The following PMEPA1 variants were observed in gnomAD, a reference collection of about 807,000 sequenced individuals.
PMEPA1 encodes protein TMEPAI.
PMEPA1 carries 11 observed loss-of-function variants against 23.0 expected under a neutral mutation model. The ratio of observed to expected loss-of-function variants is 0.48; its 90% CI spans 0.30 to 0.79. PMEPA1 has a LOEUF of 0.79. PMEPA1 is among the 30% of genes least tolerant of loss of function. The pLI is 0.06. For synonymous variants in PMEPA1, 204 were observed against 166.4 expected (o/e 1.23, Z -1.74); for missense variants, 377 against 390.9 (o/e 0.96, Z 0.30).
At chr20:57,680,084 A>G (rs1181420003) in intron 1 of PMEPA1, among the ~76,000 whole-genome samples, 3 of 152,198 alleles carry the variant, frequency 2.0e-5, no homozygotes, top group Non-Finnish European at 2.9e-5. Flanking sequence ...TCTGGCTTGC[A>G]CTGCAAGCCC....
Position 57,652,844 on chromosome 20 carries a change from A to G in PMEPA1, c.318+189T>C, listed in dbSNP as rs1051218202. On this transcript the variant is annotated intron_variant, in intron 3 of 3. Transcript: ENST00000341744. This position sits in a 1 kb window ranked among gnomAD's most constrained non-coding sequence, Gnocchi z 6.1. ...AGCGTCCGTGCTCCCGTGTGCAGAG[A>G]GCAGAGAGCTGGGCTGCTCCCTCAG... Among the ~76,000 whole-genome samples the G allele has an allele frequency of 6.6e-6, 1 of 152,054 alleles. No individual in the cohort carries two copies. The highest frequency in any genetic ancestry group is 2.4e-5 in the African/African-American group (1 of 41,394).
In PMEPA1 at chr20:57,687,234, CCTT is replaced by C. The variant is rs150370172; in HGVS notation, c.109+22237_109+22239del. ...GTTAAGGGGTTCAACTGAGCGACTT[CCTT>C]CTTCTCCAGGTGATCTCCTGTGCCT... On this transcript the variant is annotated intron_variant, in intron 1 of 3. Coordinates refer to ENST00000341744, the MANE Select transcript of PMEPA1 (RefSeq NM_020182.5). 4.6e-3 allele frequency among the ~76,000 whole-genome samples: 696 copies of C among 152,376 alleles called. 6 individuals carry two copies. The highest frequency in any genetic ancestry group is 0.015 in the African/African-American group (641 of 41,586).
chr20:57,653,431 C>G lies in PMEPA1; in HGVS notation c.265-345G>C, dbSNP rs547147387. ...CTCACCAGGCTGAACATGGCCTCAG[C>G]CCCTCACCCCTGGCCCCACTCCCCT... is the stretch of plus-strand genomic sequence containing the variant. On this transcript the variant is annotated intron_variant, in intron 2 of 3. Transcript: ENST00000341744. 2.0e-5 allele frequency among the ~76,000 whole-genome samples: 3 copies of G among 152,362 alleles called. No individual in the cohort carries two copies. The East Asian group carries it at 5.8e-4, about 29-fold the overall frequency.
Position 57,692,581 on chromosome 20 carries a change from C to T in PMEPA1, c.109+16893G>A, listed in dbSNP as rs1240215941. On this transcript the variant is annotated intron_variant, in intron 1 of 3. Coordinates refer to ENST00000341744, the MANE Select transcript of PMEPA1 (RefSeq NM_020182.5). The stretch of plus-strand genomic sequence containing the variant: ...TGCAGCTGGCGGGTCACGAGCACGG[C>T]CACTTTTGGCCCCAGGAGGATTCAA... 4.6e-5 allele frequency among the ~76,000 whole-genome samples: 7 copies of T among 152,222 alleles called. No homozygotes were observed. In the East Asian group the frequency reaches 1.3e-3, roughly 29 times the overall value.
At position 57,690,912 on chromosome 20, in the gene PMEPA1, G is replaced by A. The variant is rs150692903; in HGVS notation, c.109+18562C>T. Among the ~76,000 whole-genome samples the A allele has an allele frequency of 5.4e-3, 818 of 152,280 alleles. 11 individuals carry two copies. Among genetic ancestry groups the A allele is most frequent in the African/African-American group, 0.018 (765 of 41,554 alleles). On this transcript the variant is annotated intron_variant, in intron 1 of 3. Transcript: ENST00000341744. ...TCACATCCGAGGAAAGAACTACTGC[G>A]CCTGATAAACGCTGATGCCTCTACA...
rs1323673397 is a variant in PMEPA1 at position 57,651,522 on chromosome 20, T to C, written c.*531A>G. ...ACAAGGTAATACACACTTTCTGACT[T>C]GGCACTCAAAAATTGCCATTTTTTT... On this transcript the variant is annotated 3_prime_UTR_variant, in exon 4 of 4. Transcript: ENST00000341744. The C allele has an allele frequency of 1.3e-5, 2 of 152,602 alleles. No individual in the cohort carries two copies. Among genetic ancestry groups the C allele is most frequent in the South Asian group, 2.1e-4 (1 of 4,830 alleles). The allele number at this position is 152,602 out of a possible 1,614,324, so 9.5% of individuals were successfully genotyped here. A position where few individuals can be genotyped will look rare whatever the true frequency, so the allele number is the denominator to read the frequency against.
chr20:57,652,563 G>A lies in PMEPA1; in HGVS notation c.354C>T (p.Arg118=). The A allele has an allele frequency of 6.6e-7, 1 of 1,521,858 alleles. No individual in the cohort carries two copies. Among genetic ancestry groups the A allele is most frequent in the Non-Finnish European group, 8.8e-7 (1 of 1,135,176 alleles). The allele number at this position is 1,521,858 out of a possible 1,614,324, so 94.3% of individuals were successfully genotyped here. A position where few individuals can be genotyped will look rare whatever the true frequency, so the allele number is the denominator to read the frequency against. The change falls in exon 4 of 4, where the codon CGC becomes CGT. Residue 118 remains arginine (R), a synonymous_variant. Coordinates refer to ENST00000341744, the MANE Select transcript of PMEPA1 (RefSeq NM_020182.5). This position sits in a 1 kb window ranked among gnomAD's most constrained non-coding sequence, Gnocchi z 6.1. ...GCTGGGCGAAGGGCGGCACGGCCAG[G>A]CGGTCGGTGGGCCGAGGCGGGGCGT... is the stretch of plus-strand genomic sequence containing the variant. ...QVYAPPRPTD[R]LAVPPFAQRE...
In PMEPA1 at chr20:57,677,236, T is replaced by C. The variant is rs77110923; in HGVS notation, c.110-17539A>G. ...TATTCTGGCTGTGGGAGCAGCTGTG[T>C]GTCTCCACTTCCTTGTCTGTACCAT... On this transcript the variant is annotated intron_variant, in intron 1 of 3. Transcript: ENST00000341744. Among the ~76,000 whole-genome samples the C allele has an allele frequency of 7.3e-3, 1,107 of 152,318 alleles. 10 individuals are homozygous for C. The highest frequency in any genetic ancestry group is 0.025 in the African/African-American group (1,047 of 41,572).
upstream of PMEPA1, chr20:57,711,132 C>T (rs2072175839): frequency 6.6e-6 from 1 of 152,236 alleles, no homozygotes; most frequent in Non-Finnish European, 1.5e-5. Context: ...TCCCCCTCTC[C>T]CACGTAGTCC....
chr20:57,693,466 G>A (rs529325056), intron 1 of PMEPA1, among the ~76,000 whole-genome samples: 10 of 152,288 alleles, frequency 6.6e-5, no homozygotes, highest in African/African-American at 1.4e-4. Flanking sequence ...TCCCCGCCCC[G>A]GGACTTTTCC....
At chr20:57,680,503 G>A (rs1380286208) in intron 1 of PMEPA1, among the ~76,000 whole-genome samples, 1 of 152,230 alleles carries the variant, frequency 6.6e-6, no homozygotes, top group Non-Finnish European at 1.5e-5. Context: ...GAATTATTGA[G>A]CCCAAACGTC....
At chr20:57,700,031 A>C in intron 1 of PMEPA1, 1 of 471,212 alleles carries the variant, frequency 2.1e-6, no homozygotes, top group Non-Finnish European at 4.4e-6. Flanking sequence ...TGTATTCTTA[A>C]CCACTGACAC....
chr20:57,687,035 T>C (rs1323274729), intron 1 of PMEPA1, among the ~76,000 whole-genome samples: 1 of 152,246 alleles, frequency 6.6e-6, no homozygotes, highest in East Asian at 1.9e-4. Flanking sequence ...TTTTTAATAA[T>C]TGCTTTTAAA....
At chr20:57,687,209 G>A (rs978220239) in intron 1 of PMEPA1, among the ~76,000 whole-genome samples, 4 of 152,214 alleles carry the variant, frequency 2.6e-5, no homozygotes, top group African/African-American at 4.8e-5. Context: ...TTCTTTTTCC[G>A]TTAAGGGGTT....
chr20:57,648,592 C>G lies in PMEPA1; in HGVS notation c.*3461G>C, dbSNP rs999023191. 3.9e-5 allele frequency: 6 copies of G among 152,534 alleles called. No homozygotes were observed. Among genetic ancestry groups the G allele is most frequent in the Non-Finnish European group, 4.4e-5 (3 of 68,044 alleles). 9.4% of individuals were successfully genotyped at this position (152,534 alleles called of 1,614,324 possible). ...AAAGCTTACATAAGTTTAACTTGAA[C>G]AGAGCTTGGGAAATGGGGCTGCAAA... On this transcript the variant is annotated 3_prime_UTR_variant, in exon 4 of 4. Coordinates refer to ENST00000341744, the MANE Select transcript of PMEPA1 (RefSeq NM_020182.5).
intron 1 of PMEPA1, among the ~76,000 whole-genome samples, chr20:57,684,390 G>T (rs955618111): frequency 6.6e-6 from 1 of 152,092 alleles, no homozygotes; most frequent in Non-Finnish European, 1.5e-5. Flanking sequence ...AACATGTAGC[G>T]GGCCTGGAAG....
At position 57,682,710 on chromosome 20, in the gene PMEPA1, C is replaced by T. The variant is rs528667576; in HGVS notation, c.110-23013G>A. 7.2e-5 allele frequency among the ~76,000 whole-genome samples: 11 copies of T among 152,336 alleles called. No homozygotes were observed. In the East Asian group the frequency reaches 1.3e-3, roughly 19 times the overall value. On this transcript the variant is annotated intron_variant, in intron 1 of 3. Coordinates refer to ENST00000341744, the MANE Select transcript of PMEPA1 (RefSeq NM_020182.5). The surrounding 1 kb of genome is among the most constrained non-coding windows in gnomAD (Gnocchi z 4.4). ...CTCCCTGTCAAGTCTGTGTCCCCATCGCCAGCAGAAACCAACTCCTCCTGG... is the reference window on the plus strand; with the variant it reads ...CTCCCTGTCAAGTCTGTGTCCCCATTGCCAGCAGAAACCAACTCCTCCTGG...
At chr20:57,691,611 C>T (rs117409027) in intron 1 of PMEPA1, among the ~76,000 whole-genome samples, 2,583 of 152,236 alleles carry the variant, frequency 0.017, 40 homozygotes, top group Non-Finnish European at 0.025. Context: ...AACGTTTTCC[C>T]CCGAAGAAAA....
intron 1 of PMEPA1, among the ~76,000 whole-genome samples, chr20:57,672,773 A>G (rs1465600878): frequency 1.3e-5 from 2 of 152,148 alleles, no homozygotes; most frequent in Non-Finnish European, 2.9e-5. Context: ...CCAATTCAGT[A>G]AACACTCAGC....
Sources: allele counts gnomAD v4.1 joint callset (sites outside exome capture counted in the v4.1 genomes callset), GRCh38; gene constraint gnomAD v4.1.1; non-coding constraint Gnocchi (gnomAD v3.1); transcripts MANE v1.5; gene names NCBI Gene and HGNC (gene_info 2026-07-23, HGNC 2026-07-21).